Variants in PCDHGB1 observed in about 807,000 individuals in gnomAD.
PCDHGB1 encodes the protein protocadherin gamma-B1.
Under a neutral mutation model 56.6 loss-of-function variants are expected in PCDHGB1, and 34 were observed. That is an observed-to-expected ratio of 0.60 (90% CI 0.46 to 0.80). PCDHGB1 has a LOEUF of 0.80. PCDHGB1 is among the 30% of genes least tolerant of loss of function. The pLI, the probability that PCDHGB1 is intolerant of heterozygous loss-of-function variation, is 0.00. For missense variants in PCDHGB1, 1,278 were observed against 1,204.6 expected (o/e 1.06, Z -0.90); for synonymous variants, 561 against 505.9 (o/e 1.11, Z -1.46).
rs962136728 is a variant in PCDHGB1 at position 141,491,524 on chromosome 5, G to A, written c.2410-3283G>A. 1 of 1,613,960 alleles carries A rather than the reference G, an allele frequency of 6.2e-7. No homozygotes were observed. The highest frequency in any genetic ancestry group is 1.3e-5 in the African/African-American group (1 of 74,936). On this transcript the variant is annotated intron_variant, in intron 1 of 3. Coordinates refer to ENST00000523390, the MANE Select transcript of PCDHGB1 (RefSeq NM_018922.3). The surrounding 1 kb of genome is among the most constrained non-coding windows in gnomAD (Gnocchi z 6.9). ...GGACGGCACGCTCAAGTACATGGAG[G>A]TGACGCTGCGGCCCACAGACTCGCA...
chr5:141,362,397 G>T (rs778703789), intron 1 of PCDHGB1: 1 of 1,613,898 alleles, frequency 6.2e-7, no homozygotes, highest in African/African-American at 1.3e-5. Flanking sequence ...CCTACAACCT[G>T]TGTGTTGCCT....
chr5:141,351,416 G>C lies in PCDHGB1; in HGVS notation c.1156G>C (p.Val386Leu). The C allele has an allele frequency of 6.2e-7, 1 of 1,611,528 alleles. No individual in the cohort carries two copies. The highest frequency in any genetic ancestry group is 1.1e-5 in the South Asian group (1 of 90,736). The change falls in exon 1 of 4, where the codon GTT becomes CTT. Residue 386 changes from valine to leucine, a missense_variant. By Grantham distance (32) the Val-to-Leu change is conservative (BLOSUM62 1). Coordinates refer to ENST00000523390, the MANE Select transcript of PCDHGB1 (RefSeq NM_018922.3). ...GGTGACATGCTATACTCAGGAAGAA[G>C]TTCCTTTCAAATTAGAATCCACCTC... ...GMVTCYTQEE[V>L]PFKLESTSKN...
At chr5:141,428,540 C>T (rs1561836755) in intron 1 of PCDHGB1, 6 of 268,146 alleles carry the variant, frequency 2.2e-5, no homozygotes, top group South Asian at 8.6e-5. Context: ...CTCACCATGA[C>T]ACCAGAAACA....
chr5:141,503,924 G>C (rs1282755998), intron 2 of PCDHGB1, among the ~76,000 whole-genome samples: 1 of 152,146 alleles, frequency 6.6e-6, no homozygotes, highest in Non-Finnish European at 1.5e-5. Flanking sequence ...CACACACACA[G>C]ACATTTTCAT....
In PCDHGB1 at chr5:141,350,620, C is replaced by T. The variant is rs1354304006; in HGVS notation, c.360C>T (p.Ile120=). Residue 120 remains isoleucine, a synonymous_variant, in exon 1 of 4, where the codon ATC becomes ATT. Transcript: ENST00000523390. The stretch of plus-strand genomic sequence containing the variant: ...ATGTTTTCCACGTGGTTGTTGTAAT[C>T]CAAGATATTAATGACAATGCACCAC... ...PMNVFHVVVV[I]QDINDNAPRF... is the part of the protein sequence containing the mutation. 6.2e-7 allele frequency: 1 copy of T among 1,613,990 alleles called. No homozygotes were observed. The highest frequency in any genetic ancestry group is 8.5e-7 in the Non-Finnish European group (1 of 1,179,886).
intron 1 of PCDHGB1, chr5:141,357,111 G>C: frequency 6.2e-7 from 1 of 1,613,840 alleles, no homozygotes; most frequent in Admixed American, 1.7e-5. Context: ...ACAGAGACGC[G>C]CTCAAGCAGA....
At chr5:141,355,086 G>A (rs1759710362) in intron 1 of PCDHGB1, 1 of 1,449,620 alleles carries the variant, frequency 6.9e-7, no homozygotes, top group Non-Finnish European at 9.2e-7. Context: ...TCAAGCGGAA[G>A]CCCTGAGAGC....
At chr5:141,376,676 G>GTTTTTTTTTTTTTTTTTTTTTTT (rs67197835) in intron 1 of PCDHGB1, 2 of 275,812 alleles carry the variant, frequency 7.3e-6, no homozygotes, top group Admixed American at 6.8e-5. Context: ...TGAGGGTATC[G>GTTTTTTTTTTTTTTTTTTTTTTT]TTTTTTTTTT....
intron 1 of PCDHGB1, chr5:141,404,669 A>G: frequency 1.9e-6 from 3 of 1,614,100 alleles, no homozygotes; most frequent in Non-Finnish European, 2.5e-6. Context: ...TGATGGTTCT[A>G]CTGGTGTGGA....
chr5:141,504,583 A>G (rs1230825472), intron 2 of PCDHGB1, among the ~76,000 whole-genome samples: 1 of 146,622 alleles, frequency 6.8e-6, no homozygotes, highest in African/African-American at 2.5e-5. Flanking sequence ...CCATCTGCCC[A>G]GGATTCACAG....
rs1196201183 is a variant in PCDHGB1, at chr5:141,490,944, G to A, written c.2410-3863G>A. ...ATGCCCCAGCTGTGCTGCACCCACG[G>A]CCAGACTGGGAACACTCAGCCCCCC... On this transcript the variant is annotated intron_variant, in intron 1 of 3. Transcript: ENST00000523390. This position sits in a 1 kb window ranked among gnomAD's most constrained non-coding sequence, Gnocchi z 5.4. 6.2e-7 allele frequency: 1 copy of A among 1,613,488 alleles called. No individual in the cohort carries two copies. The highest frequency in any genetic ancestry group is 1.3e-5 in the African/African-American group (1 of 74,906).
intron 1 of PCDHGB1, among the ~76,000 whole-genome samples, chr5:141,407,274 A>G (rs763803896): frequency 2.0e-5 from 3 of 152,232 alleles, no homozygotes; most frequent in Non-Finnish European, 2.9e-5. Context: ...GCAACAAGAA[A>G]ATTGTTACAA....
intron 1 of PCDHGB1, chr5:141,419,981 AT>A (rs1205154474): frequency 1.2e-6 from 2 of 1,614,052 alleles, no homozygotes; most frequent in Admixed American, 3.3e-5. Flanking sequence ...CCTCGCGGTG[AT>A]TCTAGCTATT....
chr5:141,414,253 G>A (rs768166537), intron 1 of PCDHGB1: 1 of 1,613,492 alleles, frequency 6.2e-7, no homozygotes, highest in Non-Finnish European at 8.5e-7. Flanking sequence ...ATTTAGTCCA[G>A]TGACTGAAGA....
rs148798222 is a variant in PCDHGB1, at chr5:141,432,106, G to A, written c.2410-62701G>A. On this transcript the variant is annotated intron_variant, in intron 1 of 3. Coordinates refer to ENST00000523390, the MANE Select transcript of PCDHGB1 (RefSeq NM_018922.3). This position sits in a 1 kb window ranked among gnomAD's most constrained non-coding sequence, Gnocchi z 6.0. The stretch of plus-strand genomic sequence containing the variant: ...ACGTGGCAGACACCAACGACAACCC[G>A]CCGGTCTTCCCTCAGGCCTCCTATT... 4 of 1,614,068 alleles carry A rather than the reference G, an allele frequency of 2.5e-6. No homozygotes were observed. Among genetic ancestry groups the A allele is most frequent in the Non-Finnish European group, 3.4e-6 (4 of 1,180,020 alleles).
chr5:141,459,993 G>T (rs1320315247), intron 1 of PCDHGB1, among the ~76,000 whole-genome samples: 1 of 152,164 alleles, frequency 6.6e-6, no homozygotes, highest in African/African-American at 2.4e-5. Context: ...CAGGAGAATC[G>T]CTTGAACCCA....
At chr5:141,389,325 C>A (rs368804822) in intron 1 of PCDHGB1, 3 of 1,614,004 alleles carry the variant, frequency 1.9e-6, no homozygotes, top group Non-Finnish European at 2.5e-6. Flanking sequence ...GGACTTGGGG[C>A]CCAACGGCCA....
At position 141,418,573 on chromosome 5, in the gene PCDHGB1, C is replaced by A. The variant is rs749104686; in HGVS notation, c.2409+65904C>A. 5.0e-6 allele frequency: 8 copies of A among 1,613,826 alleles called. No individual in the cohort carries two copies. The South Asian group carries it at 5.5e-5, about 11-fold the overall frequency. Reference sequence around the variant, plus strand: ...TCCTGGTAATAGATGCCAATGACAACCCCCCAGTGTTCAGCCAGGACGTGT... The same window carrying A: ...TCCTGGTAATAGATGCCAATGACAAACCCCCAGTGTTCAGCCAGGACGTGT... On this transcript the variant is annotated intron_variant, in intron 1 of 3. Transcript: ENST00000523390.
intron 1 of PCDHGB1, among the ~76,000 whole-genome samples, chr5:141,368,915 A>G (rs1765921156): frequency 6.6e-6 from 1 of 152,228 alleles, no homozygotes; most frequent in Non-Finnish European, 1.5e-5. Context: ...TAAAGGTGAC[A>G]ATGAGTGTCT....
Sources: gnomAD v4.1 joint callset for allele counts (sites outside exome capture counted in the v4.1 genomes callset) on GRCh38, gnomAD v4.1.1 for gene constraint, Gnocchi (gnomAD v3.1) non-coding constraint, MANE v1.5 for transcripts, NCBI Gene and HGNC (gene_info 2026-07-23, HGNC 2026-07-21) for gene names.